CMC1: variants seen among roughly 807,000 people sequenced by gnomAD.
CMC1 encodes the protein COX assembly mitochondrial protein homolog.
In CMC1, 14 loss-of-function variants were observed where a neutral mutation model predicts 14.1. That is an observed-to-expected ratio of 0.99 (90% CI 0.66 to 1.55). The LOEUF is 1.55. Among genes scored for constraint, CMC1 ranks in the 40% most tolerant of loss-of-function variants. CMC1 has a pLI of 0.00. For missense variants in CMC1, 127 were observed against 123.8 expected (o/e 1.03, Z -0.12); for synonymous variants, 50 against 38.4 (o/e 1.30, Z -1.12).
chr3:28,258,569 G>T (rs1319388680), intron 1 of CMC1, among the ~76,000 whole-genome samples: 1 of 145,638 alleles, frequency 6.9e-6, no homozygotes, highest in African/African-American at 2.5e-5. Context: ...TAGCCTTGGT[G>T]CATTTGCCAA....
In CMC1 at chr3:28,241,849, C is replaced by A. The variant is rs1465358866; in HGVS notation, c.19+37C>A. The A allele has an allele frequency of 1.7e-5, 21 of 1,235,592 alleles. No homozygotes were observed. In the East Asian group the frequency reaches 1.9e-4, roughly 11 times the overall value. 76.5% of individuals were successfully genotyped at this position (1,235,592 alleles called of 1,614,324 possible). A position where few individuals can be genotyped will look rare whatever the true frequency, so the allele number is the denominator to read the frequency against. ...GGAAGCGGGGTTTGCCGAGGGGCCT[C>A]GCCCCGGGTCTCACGCCGCGGGCCA... On this transcript the variant is annotated intron_variant, in intron 1 of 3. Transcript: ENST00000466830.
chr3:28,242,063 A>T (rs1698553946), intron 1 of CMC1, among the ~76,000 whole-genome samples: 1 of 152,172 alleles, frequency 6.6e-6, no homozygotes, highest in East Asian at 1.9e-4. Context: ...ACTTAACGCG[A>T]CTAGTCTCTT....
In CMC1 at chr3:28,323,341, T is replaced by C. The variant is rs1703249202; in HGVS notation, c.*3712T>C. The C allele has an allele frequency of 6.7e-6, 1 of 150,264 alleles. No individual in the cohort carries two copies. Among genetic ancestry groups the C allele is most frequent in the South Asian group, 2.1e-4 (1 of 4,814 alleles). The allele number at this position is 150,264 out of a possible 1,614,324, so 9.3% of individuals were successfully genotyped here. A position where few individuals can be genotyped will look rare whatever the true frequency, so the allele number is the denominator to read the frequency against. ...AATCATTTGTTTACACCCCAGAGTT[T>C]TTCAACTATTTCATTTTTTTTTTTT... On this transcript the variant is annotated 3_prime_UTR_variant, in exon 4 of 4. Coordinates refer to ENST00000466830, the MANE Select transcript of CMC1 (RefSeq NM_182523.2).
At chr3:28,279,341 T>A (rs987358217) in intron 2 of CMC1, among the ~76,000 whole-genome samples, 1 of 152,098 alleles carries the variant, frequency 6.6e-6, no homozygotes, top group Admixed American at 6.5e-5. Flanking sequence ...ATTGCCTGCT[T>A]AAATGAAAAA....
chr3:28,323,893 G>A lies in CMC1; in HGVS notation c.*4264G>A. On this transcript the variant is annotated 3_prime_UTR_variant, in exon 4 of 4. Transcript: ENST00000466830. ...TAGAAAACCAACTATGTTGGTTTTT[G>A]TACTATTGTACAGTGTGTTCAAATA... 1 of 830,526 alleles carries A rather than the reference G, an allele frequency of 1.2e-6. No individual in the cohort carries two copies. 51.4% of individuals were successfully genotyped at this position (830,526 alleles called of 1,614,324 possible).
rs578143992 is a variant in CMC1, at chr3:28,254,136, A to G, written c.20-9155A>G. On this transcript the variant is annotated intron_variant, in intron 1 of 3. Transcript: ENST00000466830. ...CTGATGGTGTTATCCTGATTCTTTA[A>G]TTCAGTATAAATTTATGTGACTATA... Among the ~76,000 whole-genome samples the G allele has an allele frequency of 2.0e-5, 3 of 152,322 alleles. No individual in the cohort carries two copies. In the South Asian group the frequency reaches 6.2e-4, roughly 32 times the overall value.
intron 1 of CMC1, among the ~76,000 whole-genome samples, chr3:28,246,977 G>A (rs1237246165): frequency 5.3e-5 from 8 of 151,800 alleles, no homozygotes; most frequent in South Asian, 4.2e-4. Context: ...TGGTATTTTT[G>A]GTAAGGACTC....
intron 2 of CMC1, among the ~76,000 whole-genome samples, chr3:28,286,040 C>T (rs1701162241): frequency 6.6e-6 from 1 of 152,164 alleles, no homozygotes; most frequent in African/African-American, 2.4e-5. Flanking sequence ...GCTGGGATTA[C>T]AGGCATGAGC....
chr3:28,294,514 A>G (rs1577064732), intron 2 of CMC1: 1 of 910,214 alleles, frequency 1.1e-6, no homozygotes, highest in African/African-American at 1.8e-5. Context: ...GAACTTATAT[A>G]GCTACATAAA....
chr3:28,284,613 A>G (rs1200020285), intron 2 of CMC1, among the ~76,000 whole-genome samples: 2 of 152,226 alleles, frequency 1.3e-5, no homozygotes, highest in African/African-American at 4.8e-5. Flanking sequence ...AAAGCAGCCC[A>G]TAGCAACAAA....
intron 2 of CMC1, among the ~76,000 whole-genome samples, chr3:28,308,851 C>CGG (rs912543648): frequency 6.6e-6 from 1 of 152,054 alleles, no homozygotes; most frequent in Non-Finnish European, 1.5e-5. Flanking sequence ...TGTGTGGTGG[C>CGG]GCATGCCTGT....
rs567863768 is a variant in CMC1, at chr3:28,278,378, T to G, written c.109+14998T>G. On this transcript the variant is annotated intron_variant, in intron 2 of 3. Transcript: ENST00000466830. Reference sequence around the variant, plus strand: ...TTAATTATTGCAGTGTGAAACCACTTTATCAGACAGTAGTAAAAATCTCTC... The same window carrying G: ...TTAATTATTGCAGTGTGAAACCACTGTATCAGACAGTAGTAAAAATCTCTC... Among the ~76,000 whole-genome samples the G allele has an allele frequency of 6.6e-5, 10 of 152,306 alleles. No individual in the cohort carries two copies. In the South Asian group the frequency reaches 2.1e-3, roughly 32 times the overall value.
chr3:28,268,733 A>G (rs192469088), intron 2 of CMC1, among the ~76,000 whole-genome samples: 68 of 152,344 alleles, frequency 4.5e-4, no homozygotes, highest in Non-Finnish European at 7.1e-4. Flanking sequence ...ACATGGACAT[A>G]ATAAAAGTTA....
At chr3:28,319,361 A>T (rs1559451364) in intron 3 of CMC1, 148 bp from the exon 4 acceptor site, 2 of 749,082 alleles carry the variant, frequency 2.7e-6, no homozygotes, top group South Asian at 2.8e-5. Context: ...GCATAAAGTT[A>T]ACAGTGAATT....
At chr3:28,307,750 T>C (rs1466217176) in intron 2 of CMC1, among the ~76,000 whole-genome samples, 1 of 152,224 alleles carries the variant, frequency 6.6e-6, no homozygotes, top group East Asian at 1.9e-4. Flanking sequence ...TCTATTGCTA[T>C]TGTAACAAAT....
intron 2 of CMC1, among the ~76,000 whole-genome samples, chr3:28,275,089 C>A (rs988886862): frequency 1.3e-5 from 2 of 152,180 alleles, no homozygotes; most frequent in African/African-American, 4.8e-5. Flanking sequence ...AAGCCTACTT[C>A]TGTCAGTTCA....
intron 2 of CMC1, among the ~76,000 whole-genome samples, chr3:28,301,996 G>C (rs1702074514): frequency 6.6e-6 from 1 of 152,074 alleles, no homozygotes; most frequent in Admixed American, 6.5e-5. Context: ...GTAAGATGGA[G>C]TAGGAAACAC....
rs371589480 is a variant in CMC1 at position 28,269,590 on chromosome 3, G to A, written c.109+6210G>A. Among the ~76,000 whole-genome samples the A allele has an allele frequency of 1.2e-3, 179 of 150,104 alleles. 2 individuals carry two copies. The highest frequency in any genetic ancestry group is 4.0e-3 in the African/African-American group (164 of 40,746). ...TCTTTTTTTTTTTTTCTTTGAAACC[G>A]AGTCTCTCTCTGTTGCCTAAGCTGG... On this transcript the variant is annotated intron_variant, in intron 2 of 3. Coordinates refer to ENST00000466830, the MANE Select transcript of CMC1 (RefSeq NM_182523.2).
chr3:28,247,956 A>G (rs975298861), intron 1 of CMC1, among the ~76,000 whole-genome samples: 6 of 151,896 alleles, frequency 4.0e-5, no homozygotes, highest in Non-Finnish European at 8.8e-5. Context: ...ATTTTTCACA[A>G]CTCAATTTAA....
Sources: gnomAD v4.1 joint callset for allele counts (sites outside exome capture counted in the v4.1 genomes callset) on GRCh38, gnomAD v4.1.1 for gene constraint, MANE v1.5 for transcripts, NCBI Gene and HGNC (gene_info 2026-07-23, HGNC 2026-07-21) for gene names.